The following MAGI1 variants were observed in gnomAD, a reference collection of about 807,000 sequenced individuals.
MAGI1 encodes the protein membrane-associated guanylate kinase, WW and PDZ domain-containing protein 1.
MAGI1 carries 58 observed loss-of-function variants against 139.9 expected under a neutral mutation model. That is an observed-to-expected ratio of 0.41 (90% confidence interval 0.34 to 0.52). The LOEUF is 0.52. Among genes scored for constraint, MAGI1 ranks in the 20% least tolerant of loss-of-function variants. The pLI is 0.12. For synonymous variants in MAGI1, 812 were observed against 737.9 expected (o/e 1.10, Z -1.63); for missense variants, 1,874 against 1,901.6 (o/e 0.99, Z 0.27).
chr3:65,400,750 A>ATT lies in MAGI1; in HGVS notation c.2199+687_2199+688dup, dbSNP rs767598706. ...GATTGGAAAGGACAGCAAAACATTG[A>ATT]TTTTTTTTTTTTTTTTTTTTTTTTT... On this transcript the variant is annotated intron_variant, in intron 13 of 22. Transcript: ENST00000402939. Among the ~76,000 whole-genome samples, 307 of 60,576 alleles carry ATT rather than the reference A, an allele frequency of 5.1e-3. 44 individuals are homozygous for ATT. Among genetic ancestry groups the ATT allele is most frequent in the Admixed American group, 0.014 (68 of 4,850 alleles). The allele number at this position is 60,576 out of a possible 152,430, so 39.7% of individuals were successfully genotyped here.
At chr3:65,785,781 C>T (rs2039327703) in intron 1 of MAGI1, among the ~76,000 whole-genome samples, 2 of 152,110 alleles carry the variant, frequency 1.3e-5, no homozygotes, top group African/African-American at 2.4e-5. Flanking sequence ...GAGACTACAT[C>T]AAAATATTTC....
rs1575612178 is a variant in MAGI1 at position 65,399,910 on chromosome 3, T to C, written c.2199+1529A>G. 3.3e-5 allele frequency among the ~76,000 whole-genome samples: 5 copies of C among 152,194 alleles called. No individual in the cohort carries two copies. In the South Asian group the frequency reaches 8.3e-4, roughly 25 times the overall value. ...TTGCTACTTGACGTCATGCTACCTG[T>C]GCAAAACTACTATGTCTCCCTCAGC... On this transcript the variant is annotated intron_variant, in intron 13 of 22. Coordinates refer to ENST00000402939, the MANE Select transcript of MAGI1 (RefSeq NM_001033057.2).
intron 1 of MAGI1, among the ~76,000 whole-genome samples, chr3:66,001,287 T>C (rs2107444212): frequency 6.6e-6 from 1 of 152,176 alleles, no homozygotes; most frequent in Non-Finnish European, 1.5e-5. Context: ...AGTGAGGTTT[T>C]CAAAAAGAAA....
In MAGI1 at chr3:66,034,470, A is replaced by G. The variant is rs540164564; in HGVS notation, c.313+3526T>C. Among the ~76,000 whole-genome samples the G allele has an allele frequency of 5.3e-4, 81 of 152,350 alleles. 1 individual carries two copies. The highest frequency in any genetic ancestry group is 3.7e-3 in the South Asian group (18 of 4,824). ...CCACGAAGCATCAGCTTAGCCAAGC[A>G]CCTATTATATTCTAAGGCAAGATCT... On this transcript the variant is annotated intron_variant, in intron 1 of 22. Transcript: ENST00000402939.
chr3:65,847,962 G>C (rs954103210), intron 1 of MAGI1, among the ~76,000 whole-genome samples: 7 of 152,142 alleles, frequency 4.6e-5, no homozygotes, highest in Non-Finnish European at 8.8e-5. Context: ...TTGAGTCCAG[G>C]AGTTTGAGTC....
chr3:65,444,700 G>A (rs1200709438), intron 7 of MAGI1, among the ~76,000 whole-genome samples: 3 of 152,084 alleles, frequency 2.0e-5, no homozygotes, highest in Non-Finnish European at 2.9e-5. Context: ...ATGGAGGGCC[G>A]AGGAGGGTAC....
At chr3:65,635,387 C>A (rs2084553192) in intron 1 of MAGI1, among the ~76,000 whole-genome samples, 1 of 152,136 alleles carries the variant, frequency 6.6e-6, no homozygotes, top group Admixed American at 6.6e-5. Flanking sequence ...AAAGCAGTTA[C>A]AGTCATAAGG....
chr3:66,035,739 C>G lies in MAGI1; in HGVS notation c.313+2257G>C, dbSNP rs964717548. Among the ~76,000 whole-genome samples, 5 of 152,180 alleles carry G rather than the reference C, an allele frequency of 3.3e-5. 1 individual carries two copies. The highest frequency in any genetic ancestry group is 3.3e-4 in the Admixed American group (5 of 15,270). ...ACACAGAAACATACCCACACACTCG[C>G]CCCTGCTGTGAACAATCTGTGCACA... On this transcript the variant is annotated intron_variant, in intron 1 of 22. Transcript: ENST00000402939.
chr3:65,370,267 CA>C (rs202035108), intron 18 of MAGI1, among the ~76,000 whole-genome samples: 63 of 145,634 alleles, frequency 4.3e-4, no homozygotes, highest in African/African-American at 9.2e-4. Context: ...GACTCCGTCT[CA>C]AAAAAAAAAA....
chr3:65,747,573 T>C (rs1202148727), intron 1 of MAGI1, among the ~76,000 whole-genome samples: 2 of 152,194 alleles, frequency 1.3e-5, no homozygotes. Context: ...AAAAGGTAAA[T>C]ATGCAGGGAA....
intron 1 of MAGI1, among the ~76,000 whole-genome samples, chr3:65,999,932 G>A (rs912751423): frequency 1.4e-5 from 2 of 145,486 alleles, no homozygotes; most frequent in African/African-American, 5.0e-5. Context: ...CATATCTTGA[G>A]AAAATGTACT....
At chr3:65,881,390 G>C (rs1403186604) in intron 1 of MAGI1, among the ~76,000 whole-genome samples, 3 of 152,126 alleles carry the variant, frequency 2.0e-5, no homozygotes, top group Non-Finnish European at 2.9e-5. Context: ...ACTTTGGGGG[G>C]CCAAGGCAGG....
intron 22 of MAGI1, among the ~76,000 whole-genome samples, chr3:65,358,900 A>T (rs2106694111): frequency 6.6e-6 from 1 of 152,362 alleles, no homozygotes; most frequent in Admixed American, 6.5e-5. Context: ...TACTTTTAAG[A>T]CAAGGGAAGG....
chr3:65,539,033 C>G (rs62255334), intron 2 of MAGI1, among the ~76,000 whole-genome samples: 1 of 139,576 alleles, frequency 7.2e-6, no homozygotes, highest in South Asian at 2.2e-4. Context: ...GACACACATA[C>G]CAACTACCAT....
chr3:65,566,722 A>T (rs1297854199), intron 2 of MAGI1, among the ~76,000 whole-genome samples: 2 of 152,134 alleles, frequency 1.3e-5, no homozygotes, highest in African/African-American at 2.4e-5. Context: ...ATATATTTTT[A>T]AATGTATTTT....
chr3:65,483,227 T>C (rs990242117), intron 3 of MAGI1, among the ~76,000 whole-genome samples: 2 of 152,240 alleles, frequency 1.3e-5, no homozygotes, highest in African/African-American at 2.4e-5. Context: ...GGCTCTCTTA[T>C]TCTGCTGTGA....
At chr3:65,359,727 A>G in intron 22 of MAGI1, 1 of 985,782 alleles carries the variant, frequency 1.0e-6, no homozygotes, top group Non-Finnish European at 1.2e-6. Context: ...GGCAGGTTCA[A>G]CCCTTCTTGG....
chr3:65,495,392 C>A (rs1255491625), intron 2 of MAGI1, among the ~76,000 whole-genome samples: 1 of 152,060 alleles, frequency 6.6e-6, no homozygotes, highest in Non-Finnish European at 1.5e-5. Context: ...TAGAATCTTA[C>A]CGTTCAAATC....
At chr3:65,553,987 C>T (rs1014522273) in intron 2 of MAGI1, among the ~76,000 whole-genome samples, 8 of 152,198 alleles carry the variant, frequency 5.3e-5, no homozygotes, top group African/African-American at 1.9e-4. Flanking sequence ...CCCTTTTCTT[C>T]GTTATTGCTC....
Sources: gnomAD v4.1 joint callset for allele counts (sites outside exome capture counted in the v4.1 genomes callset) on GRCh38, gnomAD v4.1.1 for gene constraint, MANE v1.5 for transcripts, NCBI Gene and HGNC (gene_info 2026-07-23, HGNC 2026-07-21) for gene names.